Variants in STAB2 observed in about 807,000 individuals in gnomAD.
STAB2 encodes the protein stabilin 2.
In STAB2, 288 loss-of-function variants were observed where a neutral mutation model predicts 338.1. That is an observed-to-expected ratio of 0.85 (90% confidence interval 0.77 to 0.94). The LOEUF is 0.94. STAB2 is among the 40% of genes least tolerant of loss of function. The probability of loss-of-function intolerance (pLI) is 0.00; values close to 1 mark genes in which losing one functional copy is unlikely to be tolerated. For missense variants in STAB2, 3,141 were observed against 3,210.1 expected, an observed-to-expected ratio of 0.98 and a Z score of 0.52; for synonymous variants, 1,202 against 1,193.3, an observed-to-expected ratio of 1.01 and a Z score of -0.15.
chr12:103,677,693 T>C (rs1876516488), intron 25 of STAB2, 82 bp downstream of exon 25: 3 of 1,491,500 alleles, frequency 2.0e-6, no homozygotes, highest in South Asian at 1.4e-5. Context: ...AGAAGTACTT[T>C]GGCTAGAACT....
At position 103,758,201 on chromosome 12, in the gene STAB2, G is replaced by C. The variant is rs142853959; in HGVS notation, c.7019G>C (p.Arg2340Pro). The C allele has an allele frequency of 3.1e-6, 5 of 1,614,068 alleles. No homozygotes were observed. Among genetic ancestry groups the C allele is most frequent in the Non-Finnish European group, 4.2e-6 (5 of 1,180,014 alleles). ...CTGGCCTATTCCAACAGCTCAGCTC[G>C]AGGCCGTGCATTTCTAGAACACCTG... ...EVLAYSNSSA[R>P]GRAFLEHLTD... The change falls in exon 64 of 69, where the codon CGA (arginine) becomes CCA (proline). Residue 2340 changes from arginine (R) to proline (P), a missense_variant. Coordinates refer to ENST00000388887, the MANE Select transcript of STAB2 (RefSeq NM_017564.10).
intron 10 of STAB2, among the ~76,000 whole-genome samples, chr12:103,650,111 T>C (rs1593182071): frequency 6.6e-6 from 1 of 152,132 alleles, no homozygotes; most frequent in African/African-American, 2.4e-5. Context: ...TCGGGGCTCT[T>C]CTGAGCTGGC....
intron 51 of STAB2, among the ~76,000 whole-genome samples, chr12:103,734,354 G>A (rs138375069): frequency 6.9e-6 from 1 of 145,732 alleles, no homozygotes; most frequent in African/African-American, 2.5e-5. Context: ...AGCATGCACA[G>A]TCTCATAGGA....
chr12:103,590,752 A>G (rs1319705258), intron 1 of STAB2, 145 bp from the exon 2 acceptor site: 1 of 907,004 alleles, frequency 1.1e-6, no homozygotes, highest in Non-Finnish European at 1.7e-6. Context: ...GGAGCAAACC[A>G]GTCATTACCA....
At position 103,673,925 on chromosome 12, in the gene STAB2, G is replaced by C. The variant is rs1593216541; in HGVS notation, c.2390G>C (p.Gly797Ala). The C allele has an allele frequency of 1.7e-5, 28 of 1,613,024 alleles. No homozygotes were observed. Among genetic ancestry groups the C allele is most frequent in the Non-Finnish European group, 2.3e-5 (27 of 1,179,200 alleles). ...RCNKKCLCVH[G>A]TCNNRIDSDG... ...CTTTCAGAATGCCTGTGCGTTCACG[G>C]AACATGCAATAACAGGATAGACAGC... Residue 797 changes from glycine (G) to alanine (A), a missense_variant, in exon 23 of 69, where the codon GGA (glycine) becomes GCA (alanine). Physicochemically the swap from Gly to Ala is moderately conservative, Grantham distance 60. Coordinates refer to ENST00000388887, the MANE Select transcript of STAB2 (RefSeq NM_017564.10).
At chr12:103,592,261 AAG>A (rs1175552406) in intron 2 of STAB2, 1 of 143,512 alleles carries the variant, frequency 7.0e-6, no homozygotes, top group African/African-American at 2.7e-5. Flanking sequence ...GAAAAAAGAA[AAG>A]AAAAAAAAAT....
intron 3 of STAB2, among the ~76,000 whole-genome samples, chr12:103,602,779 T>A (rs139692809): frequency 6.6e-6 from 1 of 152,310 alleles, no homozygotes; most frequent in African/African-American, 2.4e-5. Context: ...GTTTTGAGAG[T>A]TCTTTAAATA....
At chr12:103,685,465 T>TGTGCGTGC (rs1555238756) in intron 27 of STAB2, among the ~76,000 whole-genome samples, 5 of 141,396 alleles carry the variant, frequency 3.5e-5, no homozygotes, top group South Asian at 2.2e-4. Context: ...CGCGTGCGTG[T>TGTGCGTGC]GTGTGTGCGT....
At chr12:103,712,268 G>A in intron 40 of STAB2, 99 bp from the exon 41 acceptor site, 4 of 915,618 alleles carry the variant, frequency 4.4e-6, no homozygotes, top group Non-Finnish European at 7.3e-6. Flanking sequence ...GTCTCATGGG[G>A]GCAGGGGCCA....
chr12:103,699,032 G>A, intron 33 of STAB2, 64 bp from the exon 34 acceptor site: 1 of 1,550,136 alleles, frequency 6.5e-7, no homozygotes, highest in Non-Finnish European at 8.8e-7. Context: ...GACAGCACAT[G>A]GGAGAAGCTG....
intron 1 of STAB2, among the ~76,000 whole-genome samples, chr12:103,590,428 G>A (rs1271940820): frequency 6.6e-6 from 1 of 152,206 alleles, no homozygotes; most frequent in Non-Finnish European, 1.5e-5. Context: ...CACGGCACTG[G>A]CACAGTGCTG....
chr12:103,684,814 A>G (rs1190073413), intron 26 of STAB2, among the ~76,000 whole-genome samples, 175 bp from the exon 27 acceptor site: 1 of 152,250 alleles, frequency 6.6e-6, no homozygotes, highest in Non-Finnish European at 1.5e-5. Context: ...AGCTGCATCA[A>G]ACATGCAGAC....
chr12:103,676,115 G>A, intron 24 of STAB2, 94 bp downstream of exon 24: 1 of 864,636 alleles, frequency 1.2e-6, no homozygotes, highest in South Asian at 2.0e-5. Flanking sequence ...AGGCTGGAGT[G>A]CAATGGCACA....
At chr12:103,590,847 C>T in intron 1 of STAB2, 50 bp from the exon 2 acceptor site, 1 of 1,610,892 alleles carries the variant, frequency 6.2e-7, no homozygotes, top group Non-Finnish European at 8.5e-7. Context: ...AGATGTTTTG[C>T]AAGACTCTGA....
At chr12:103,695,407 A>G in intron 31 of STAB2, 143 bp from the exon 32 acceptor site, 3 of 694,114 alleles carry the variant, frequency 4.3e-6, no homozygotes, top group Non-Finnish European at 7.3e-6. Flanking sequence ...ATATTTTTAT[A>G]CTGTGAGTAA....
chr12:103,610,531 A>G (rs1957105876), intron 3 of STAB2, among the ~76,000 whole-genome samples: 1 of 151,970 alleles, frequency 6.6e-6, no homozygotes, highest in African/African-American at 2.4e-5. Flanking sequence ...ATCGGTGGTG[A>G]TATCGCCTTT....
At chr12:103,752,327 A>C (rs17505884) in intron 60 of STAB2, among the ~76,000 whole-genome samples, 31,096 of 152,178 alleles carry the variant, frequency 0.2, 3,547 homozygotes, top group Non-Finnish European at 0.25. Context: ...TGGTGTTTGC[A>C]TTTCAGATAT....
intron 3 of STAB2, among the ~76,000 whole-genome samples, chr12:103,615,382 A>G (rs965471074): frequency 1.3e-5 from 2 of 152,178 alleles, no homozygotes; most frequent in Admixed American, 1.3e-4. Context: ...GCTTTAGACT[A>G]TATGTAGGTC....
At chr12:103,621,320 T>TTTTTTTTTTTTTTTTTTTTTG (rs1565966251) in intron 4 of STAB2, among the ~76,000 whole-genome samples, 2 of 152,104 alleles carry the variant, frequency 1.3e-5, no homozygotes, top group Non-Finnish European at 2.9e-5. Context: ...GATTTTCTTT[T>TTTTTTTTTTTTTTTTTTTTTG]ACCAGTTGAA....
Sources: gnomAD v4.1 joint callset for allele counts (sites outside exome capture counted in the v4.1 genomes callset) on GRCh38, gnomAD v4.1.1 for gene constraint, MANE v1.5 for transcripts, NCBI Gene and HGNC (gene_info 2026-07-23, HGNC 2026-07-21) for gene names.